The following ART1 variants were observed in gnomAD, a reference collection of about 807,000 sequenced individuals.
ART1 encodes the protein GPI-linked NAD(P)(+)--arginine ADP-ribosyltransferase 1.
ART1 carries 29 observed loss-of-function variants against 27.0 expected under a neutral mutation model. The ratio of observed to expected loss-of-function variants is 1.08; its 90% CI spans 0.80 to 1.47. The LOEUF (loss-of-function observed/expected upper bound fraction) is 1.47. Among genes scored for constraint, ART1 ranks in the 40% most tolerant of loss-of-function variants. ART1 has a pLI of 0.00. For missense variants in ART1, 480 were observed against 423.0 expected (o/e 1.13, Z -1.18); for synonymous variants, 201 against 172.2 (o/e 1.17, Z -1.31).
intron 4 of ART1, chr11:3,663,842 G>A: frequency 2.4e-6 from 1 of 424,090 alleles, no homozygotes; most frequent in Non-Finnish European, 4.3e-6. Context: ...TAGCAGTGGG[G>A]GGACTGTACA....
chr11:3,663,084 A>C (rs2077633874), intron 4 of ART1, among the ~76,000 whole-genome samples: 1 of 77,714 alleles, frequency 1.3e-5, no homozygotes, highest in African/African-American at 5.6e-5. Context: ...TCATCATCTC[A>C]TCTCATCATC....
intron 1 of ART1, among the ~76,000 whole-genome samples, chr11:3,653,169 G>A (rs11028783): frequency 0.13 from 19,346 of 147,062 alleles, 1,983 homozygotes; most frequent in South Asian, 0.21. Context: ...AATTTTCACC[G>A]TCCCAACACT....
chr11:3,648,824 C>T (rs985343612), intron 1 of ART1, among the ~76,000 whole-genome samples: 10 of 151,666 alleles, frequency 6.6e-5, no homozygotes, highest in African/African-American at 2.4e-4. Flanking sequence ...GTCTCTACCC[C>T]TTCTCTGCTT....
intron 1 of ART1, among the ~76,000 whole-genome samples, chr11:3,646,370 C>A (rs908050247): frequency 6.6e-6 from 1 of 152,050 alleles, no homozygotes; most frequent in African/African-American, 2.4e-5. Flanking sequence ...CATTAGTTGG[C>A]AACTATGTGA....
intron 1 of ART1, among the ~76,000 whole-genome samples, chr11:3,655,166 C>G (rs2077561915): frequency 6.6e-6 from 1 of 152,186 alleles, no homozygotes; most frequent in Non-Finnish European, 1.5e-5. Flanking sequence ...AGGTCTGTTC[C>G]TCACGTGTTC....
chr11:3,663,967 T>C, intron 4 of ART1, 125 bp from the exon 5 acceptor site: 3 of 815,246 alleles, frequency 3.7e-6, no homozygotes, highest in Non-Finnish European at 3.9e-6. Context: ...TGTATCAGTC[T>C]GTCCAGCTCA....
At chr11:3,652,845 T>C (rs1047288132) in intron 1 of ART1, among the ~76,000 whole-genome samples, 2 of 151,014 alleles carry the variant, frequency 1.3e-5, no homozygotes, top group East Asian at 1.9e-4. Context: ...AAATAATCTT[T>C]GCTGGCAGGA....
chr11:3,661,531 G>C lies in ART1; in HGVS notation c.886+118G>C. On this transcript the variant is annotated intron_variant, in intron 4 of 4. Transcript: ENST00000250693. ...TTTTTTGAGACAGAGTTTCACTCTT[G>C]TTGCCCAGGCTGGAGTGCAATGGCA... 4.1e-6 allele frequency: 3 copies of C among 733,794 alleles called. No individual in the cohort carries two copies. In the South Asian group the frequency reaches 6.7e-5, roughly 17 times the overall value. 45.5% of individuals were successfully genotyped at this position (733,794 alleles called of 1,614,324 possible).
intron 1 of ART1, among the ~76,000 whole-genome samples, chr11:3,653,395 G>A (rs2077542717): frequency 6.8e-6 from 1 of 148,050 alleles, no homozygotes; most frequent in Non-Finnish European, 1.5e-5. Flanking sequence ...TCCTTCTCCT[G>A]GCTCATCCTG....
At chr11:3,660,442 C>G in intron 3 of ART1, 79 bp downstream of exon 3, 1 of 1,466,904 alleles carries the variant, frequency 6.8e-7, no homozygotes, top group Non-Finnish European at 9.2e-7. Flanking sequence ...CAAACCGAAG[C>G]CCCTATCTCC....
intron 1 of ART1, among the ~76,000 whole-genome samples, chr11:3,651,103 G>A (rs2077518519): frequency 6.6e-6 from 1 of 151,614 alleles, no homozygotes; most frequent in South Asian, 2.1e-4. Flanking sequence ...AAATTGTTTT[G>A]CCTATCCACC....
intron 1 of ART1, among the ~76,000 whole-genome samples, chr11:3,645,596 G>A (rs747109909): frequency 4.6e-5 from 7 of 152,162 alleles, no homozygotes; most frequent in African/African-American, 4.8e-5. Flanking sequence ...GCTCTGCAGT[G>A]GTCTACACTG....
At chr11:3,651,632 A>C (rs918907511) in intron 1 of ART1, among the ~76,000 whole-genome samples, 1 of 151,798 alleles carries the variant, frequency 6.6e-6, no homozygotes, top group African/African-American at 2.4e-5. Flanking sequence ...ATCACAAACT[A>C]TGCTTAGCTC....
chr11:3,648,535 A>T (rs2133946712), intron 1 of ART1, among the ~76,000 whole-genome samples: 1 of 152,058 alleles, frequency 6.6e-6, no homozygotes, highest in Non-Finnish European at 1.5e-5. Context: ...TTGGCGCCAC[A>T]CTTCAATCTC....
In ART1 at chr11:3,645,155, C is replaced by A. The variant is rs999243522; in HGVS notation, c.-77C>A. On this transcript the variant is annotated 5_prime_UTR_variant, in exon 1 of 5. Transcript: ENST00000250693. ...TGGCCATGGTGGAGATCAGCAGCAG[C>A]TTCCCCACCCAGGACAAGGCCTAGG... 2.0e-5 allele frequency: 3 copies of A among 152,080 alleles called. No individual in the cohort carries two copies. The highest frequency in any genetic ancestry group is 7.3e-5 in the African/African-American group (3 of 41,368). 9.4% of individuals were successfully genotyped at this position (152,080 alleles called of 1,614,324 possible). A position where few individuals can be genotyped will look rare whatever the true frequency, so the allele number is the denominator to read the frequency against.
chr11:3,648,345 G>A (rs538045475), intron 1 of ART1, among the ~76,000 whole-genome samples: 1 of 152,246 alleles, frequency 6.6e-6, no homozygotes, highest in East Asian at 1.9e-4. Context: ...ACCTCCCTTA[G>A]GAGATCAATC....
At position 3,659,840 on chromosome 11, in the gene ART1, C is replaced by G. The variant is rs1259558923; in HGVS notation, c.321C>G (p.Pro107=). The G allele has an allele frequency of 1.2e-6, 2 of 1,612,430 alleles. No individual in the cohort carries two copies. The highest frequency in any genetic ancestry group is 2.2e-5 in the East Asian group (1 of 44,870). The change falls in exon 3 of 5, where the codon CCC becomes CCG. Residue 107 remains proline, a synonymous_variant. Coordinates refer to ENST00000250693, the MANE Select transcript of ART1 (RefSeq NM_004314.3). The part of the protein sequence containing the change: ...SLSPTRPSPP[P]LGFRDEHGVA... ...GCCCCACCCGTCCATCCCCGCCACC[C>G]CTGGGCTTCCGCGATGAGCATGGGG...
chr11:3,648,357 C>A (rs2077487058), intron 1 of ART1, among the ~76,000 whole-genome samples: 1 of 152,160 alleles, frequency 6.6e-6, no homozygotes. Context: ...AGATCAATCC[C>A]CTGTCCTCCT....
In ART1 at chr11:3,664,072, TCTGC is replaced by T. The variant is rs1246360457; in HGVS notation, c.887-16_887-13del. On this transcript the variant is annotated splice_polypyrimidine_tract_variant and intron_variant, in intron 4 of 4. Transcript: ENST00000250693. The stretch of plus-strand genomic sequence containing the variant: ...TTTTCTCTCTCTCTCCCCCAACCTC[TCTGC>T]CTGTTTTCCCTGCAGCCATGGGTCA... The T allele has an allele frequency of 1.2e-6, 2 of 1,612,708 alleles. No individual in the cohort carries two copies. Among genetic ancestry groups the T allele is most frequent in the African/African-American group, 1.3e-5 (1 of 75,010 alleles).
Sources: gnomAD v4.1 joint callset for allele counts (sites outside exome capture counted in the v4.1 genomes callset) on GRCh38, gnomAD v4.1.1 for gene constraint, MANE v1.5 for transcripts, NCBI Gene and HGNC (gene_info 2026-07-23, HGNC 2026-07-21) for gene names.